The following PLD5 variants were observed in gnomAD, a reference collection of about 807,000 sequenced individuals.
The protein encoded by PLD5 is inactive phospholipase D5.
A neutral mutation model predicts 61.1 loss-of-function variants in PLD5; 36 were observed. That is an observed-to-expected ratio of 0.59 (90% CI 0.45 to 0.78). The LOEUF is 0.78. Among genes scored for constraint, PLD5 ranks in the 30% least tolerant of loss-of-function variants. PLD5 has a pLI of 0.00. For missense variants in PLD5, 515 were observed against 644.4 expected, an observed-to-expected ratio of 0.80 and a Z score of 2.17; for synonymous variants, 243 against 242.8, an observed-to-expected ratio of 1.00 and a Z score of -0.01.
At chr1:242,518,795 C>A (rs1050259186) in intron 1 of PLD5, among the ~76,000 whole-genome samples, 9 of 152,044 alleles carry the variant, frequency 5.9e-5, no homozygotes, top group African/African-American at 1.9e-4. Flanking sequence ...CAAGCCACAC[C>A]CAAGAGAGTT....
chr1:242,300,768 G>A (rs116174739), intron 2 of PLD5, among the ~76,000 whole-genome samples: 14,707 of 121,188 alleles, frequency 0.12, 813 homozygotes, highest in African/African-American at 0.19. Context: ...GGGTTGCAGC[G>A]GGAGAACAAT....
At chr1:242,419,556 C>A (rs1269627108) in intron 1 of PLD5, among the ~76,000 whole-genome samples, 1 of 143,018 alleles carries the variant, frequency 7.0e-6, no homozygotes, top group African/African-American at 2.6e-5. Flanking sequence ...CCACTACACC[C>A]GGCTAAATTT....
At chr1:242,271,559 A>G (rs1241039292) in intron 3 of PLD5, among the ~76,000 whole-genome samples, 6 of 152,180 alleles carry the variant, frequency 3.9e-5, no homozygotes, top group Non-Finnish European at 2.9e-5. Flanking sequence ...AGCTGCAAGT[A>G]CATGGTTGTA....
chr1:242,316,868 T>C (rs1658037963), intron 2 of PLD5, among the ~76,000 whole-genome samples: 2 of 152,146 alleles, frequency 1.3e-5, no homozygotes, highest in Admixed American at 6.5e-5. Context: ...ATGCGGTATT[T>C]TGTTTTCTGT....
chr1:242,112,339 G>GTGTGTATATATA (rs1370325825), intron 7 of PLD5, among the ~76,000 whole-genome samples: 22 of 143,404 alleles, frequency 1.5e-4, no homozygotes, highest in South Asian at 4.7e-4. Context: ...ATGTATATGT[G>GTGTGTATATATA]TATATATATA....
intron 8 of PLD5, among the ~76,000 whole-genome samples, chr1:242,102,590 G>A (rs1048842921): frequency 1.3e-5 from 2 of 152,200 alleles, no homozygotes; most frequent in East Asian, 1.9e-4. Context: ...GGTTGGAGGT[G>A]GGGGTGCCCA....
chr1:242,132,919 T>C (rs1663403763), intron 5 of PLD5, among the ~76,000 whole-genome samples: 1 of 152,006 alleles, frequency 6.6e-6, no homozygotes, highest in Non-Finnish European at 1.5e-5. Flanking sequence ...GAAGGGAACC[T>C]AAGACTGATT....
intron 3 of PLD5, among the ~76,000 whole-genome samples, chr1:242,276,644 G>A (rs1167063811): frequency 2.0e-5 from 3 of 151,226 alleles, no homozygotes; most frequent in South Asian, 2.1e-4. Context: ...GATAGCGGCC[G>A]CTTCATCTCT....
chr1:242,246,365 C>T (rs1352412380), intron 4 of PLD5, among the ~76,000 whole-genome samples: 1 of 151,940 alleles, frequency 6.6e-6, no homozygotes, highest in African/African-American at 2.4e-5. Context: ...GACCCTGTCT[C>T]CAATAAATAA....
At chr1:242,167,115 T>TAAAAAA (rs1553314039) in intron 5 of PLD5, among the ~76,000 whole-genome samples, 3 of 135,242 alleles carry the variant, frequency 2.2e-5, no homozygotes, top group East Asian at 2.0e-4. Context: ...ATAATAATAA[T>TAAAAAA]AAATAGTAGC....
intron 1 of PLD5, among the ~76,000 whole-genome samples, chr1:242,512,876 C>CTT (rs879410650): frequency 4.5e-5 from 6 of 132,518 alleles, no homozygotes; most frequent in African/African-American, 1.4e-4. Flanking sequence ...TTTATTTTTT[C>CTT]TTTTTTTTTT....
intron 2 of PLD5, among the ~76,000 whole-genome samples, chr1:242,298,146 C>T (rs1675822813): frequency 6.6e-6 from 1 of 152,028 alleles, no homozygotes; most frequent in Admixed American, 6.6e-5. Context: ...AGACAATTAG[C>T]TGCAGAGGAC....
At chr1:242,167,019 A>G (rs1286634209) in intron 5 of PLD5, among the ~76,000 whole-genome samples, 2 of 151,126 alleles carry the variant, frequency 1.3e-5, no homozygotes, top group African/African-American at 2.4e-5. Flanking sequence ...TATTCCTACT[A>G]TAAAGTCATA....
At chr1:242,488,280 GC>G (rs1432881372) in intron 1 of PLD5, among the ~76,000 whole-genome samples, 3 of 152,170 alleles carry the variant, frequency 2.0e-5, no homozygotes, top group Admixed American at 2.0e-4. Context: ...GATGTTAACA[GC>G]AGCTTTATTT....
chr1:242,375,028 C>T (rs1661865108), intron 1 of PLD5, among the ~76,000 whole-genome samples: 1 of 152,202 alleles, frequency 6.6e-6, no homozygotes, highest in African/African-American at 2.4e-5. Context: ...TGTGGCTTTA[C>T]AGTTTACAAT....
intron 7 of PLD5, among the ~76,000 whole-genome samples, chr1:242,113,092 T>C (rs1042815665): frequency 4.2e-4 from 16 of 37,942 alleles, no homozygotes; most frequent in East Asian, 1.7e-3. Context: ...CTCTTTTTTT[T>C]TTTTTTTTTT....
intron 3 of PLD5, among the ~76,000 whole-genome samples, chr1:242,280,108 T>G (rs1409972183): frequency 2.6e-5 from 4 of 152,252 alleles, no homozygotes; most frequent in African/African-American, 9.6e-5. Context: ...TCAAATGAGA[T>G]AGGATTATTA....
intron 6 of PLD5, 27 bp downstream of exon 6, chr1:242,124,441 G>C (rs1235532332): frequency 6.3e-7 from 1 of 1,598,026 alleles, no homozygotes; most frequent in Admixed American, 1.7e-5. Context: ...AGAAGGAGAA[G>C]GGGAGGAGAA....
chr1:242,261,682 G>T (rs1249250121), intron 4 of PLD5, among the ~76,000 whole-genome samples: 1 of 152,162 alleles, frequency 6.6e-6, no homozygotes, highest in Non-Finnish European at 1.5e-5. Flanking sequence ...CAAAATACTT[G>T]CAGAGGCACC....
Sources: allele counts gnomAD v4.1 joint callset (sites outside exome capture counted in the v4.1 genomes callset), GRCh38; gene constraint gnomAD v4.1.1; transcripts MANE v1.5; gene names NCBI Gene and HGNC (gene_info 2026-07-23, HGNC 2026-07-21).